Variants in COL24A1 observed in about 807,000 individuals in gnomAD.
COL24A1 encodes collagen alpha-1(XXIV) chain.
In COL24A1, 224 loss-of-function variants were observed where a neutral mutation model predicts 253.9. The ratio of observed to expected loss-of-function variants is 0.88; its 90% CI spans 0.79 to 0.99. COL24A1 has a LOEUF of 0.99. Ranked by LOEUF, COL24A1 falls within the 50% of genes least tolerant of loss-of-function variation. COL24A1 has a pLI of 0.00. For synonymous variants in COL24A1, 685 were observed against 673.7 expected, an observed-to-expected ratio of 1.02 and a Z score of -0.26; for missense variants, 2,131 against 2,068.5, an observed-to-expected ratio of 1.03 and a Z score of -0.59.
chr1:85,901,315 A>G (rs898450908), intron 28 of COL24A1, among the ~76,000 whole-genome samples: 25 of 152,272 alleles, frequency 1.6e-4, no homozygotes, highest in African/African-American at 5.8e-4. Context: ...CAACATCACT[A>G]ATTATCAGGA....
At chr1:85,755,483 T>TC (rs1666136201) in intron 55 of COL24A1, among the ~76,000 whole-genome samples, 2 of 152,130 alleles carry the variant, frequency 1.3e-5, no homozygotes, top group Non-Finnish European at 2.9e-5. Flanking sequence ...CAAAACTTAC[T>TC]ATAAAGCTGC....
chr1:86,079,035 C>T (rs1702446399), intron 7 of COL24A1, among the ~76,000 whole-genome samples: 1 of 152,142 alleles, frequency 6.6e-6, no homozygotes, highest in African/African-American at 2.4e-5. Context: ...AGAGGAATCA[C>T]ATTACCTGAT....
chr1:86,115,430 T>C (rs1706050063), intron 3 of COL24A1, 52 bp from the exon 4 acceptor site: 1 of 1,522,746 alleles, frequency 6.6e-7, no homozygotes, highest in African/African-American at 1.4e-5. Context: ...ACATTTATTT[T>C]CTTACGAGTC....
At chr1:85,743,031 A>G (rs1255440676) in intron 57 of COL24A1, among the ~76,000 whole-genome samples, 1 of 152,034 alleles carries the variant, frequency 6.6e-6, no homozygotes, top group African/African-American at 2.4e-5. Flanking sequence ...TGGTTTCCCT[A>G]CCTCTACCCC....
chr1:86,022,398 G>T lies in COL24A1; in HGVS notation c.2203-105C>A, dbSNP rs75357114. On this transcript the variant is annotated intron_variant, in intron 17 of 59. Transcript: ENST00000370571. ...ATTTCATAAAGTATGCTAAAATATTGAGACAAAAGTTTCAAACAAGAACTT... is the reference window on the plus strand; with the variant it reads ...ATTTCATAAAGTATGCTAAAATATTTAGACAAAAGTTTCAAACAAGAACTT... 9 of 1,377,318 alleles carry T rather than the reference G, an allele frequency of 6.5e-6. No homozygotes were observed. The East Asian group carries it at 1.9e-4, about 29-fold the overall frequency. The allele number at this position is 1,377,318 out of a possible 1,614,324, so 85.3% of individuals were successfully genotyped here. A position where few individuals can be genotyped will look rare whatever the true frequency, so the allele number is the denominator to read the frequency against.
In COL24A1 at chr1:86,108,656, A is replaced by C. The variant is rs951436379; in HGVS notation, c.1599+3911T>G. On this transcript the variant is annotated intron_variant, in intron 5 of 59. Coordinates refer to ENST00000370571, the MANE Select transcript of COL24A1 (RefSeq NM_152890.7). ...AAAAAAAAAAAAAAAAAAAATTTTA[A>C]ATTAGCCAGGCATGGTGGCACATGC... Among the ~76,000 whole-genome samples the C allele has an allele frequency of 1.3e-5, 2 of 148,784 alleles. 1 individual carries two copies. The highest frequency in any genetic ancestry group is 3.9e-4 in the East Asian group (2 of 5,090).
chr1:85,940,029 A>AGAT lies in COL24A1; in HGVS notation c.2562+21217_2562+21219dup, dbSNP rs539998700. 2.3e-3 allele frequency among the ~76,000 whole-genome samples: 352 copies of AGAT among 152,324 alleles called. 4 individuals carry two copies. Among genetic ancestry groups the AGAT allele is most frequent in the African/African-American group, 8.1e-3 (336 of 41,546 alleles). On this transcript the variant is annotated intron_variant, in intron 24 of 59. Transcript: ENST00000370571. The stretch of plus-strand genomic sequence containing the variant: ...TCTTATTAAGGTTTCCAAAAGTTGA[A>AGAT]GATAAACTATCTACAAACACTGGGG...
At chr1:85,818,185 C>A (rs374676425) in intron 45 of COL24A1, 98 bp from the exon 46 acceptor site, 2 of 838,096 alleles carry the variant, frequency 2.4e-6, no homozygotes, top group African/African-American at 3.4e-5. Context: ...GCAGCAAGAA[C>A]TAGCACGAAC....
chr1:86,017,228 A>G (rs1405328012), intron 18 of COL24A1, 24 bp from the exon 19 acceptor site: 10 of 1,543,574 alleles, frequency 6.5e-6, no homozygotes, highest in African/African-American at 1.4e-5. Flanking sequence ...GGAGGATCAA[A>G]GTATAAACAT....
At chr1:85,943,794 C>T (rs756868593) in intron 24 of COL24A1, among the ~76,000 whole-genome samples, 7 of 152,300 alleles carry the variant, frequency 4.6e-5, no homozygotes, top group South Asian at 2.1e-4. Flanking sequence ...CCAAATTATG[C>T]AATAATGTGT....
At chr1:85,938,896 C>T (rs560755575) in intron 24 of COL24A1, among the ~76,000 whole-genome samples, 3 of 152,262 alleles carry the variant, frequency 2.0e-5, no homozygotes, top group South Asian at 2.1e-4. Context: ...GAGCTTCTTG[C>T]GGGGGTGGTT....
chr1:86,094,626 T>A (rs1028222268), intron 5 of COL24A1, among the ~76,000 whole-genome samples: 45 of 146,066 alleles, frequency 3.1e-4, no homozygotes, highest in African/African-American at 1.1e-3. Context: ...GAACTTCAAA[T>A]TTTTTTTTTT....
intron 52 of COL24A1, among the ~76,000 whole-genome samples, chr1:85,779,619 G>A (rs535326091): frequency 6.6e-6 from 1 of 152,160 alleles, no homozygotes; most frequent in African/African-American, 2.4e-5. Context: ...AAGTACTTTG[G>A]TTCAGGGTTC....
intron 3 of COL24A1, 139 bp downstream of exon 3, chr1:86,124,706 T>A (rs972247979): frequency 5.4e-6 from 3 of 559,400 alleles, no homozygotes; most frequent in Non-Finnish European, 8.5e-6. Flanking sequence ...ATTCATTTAC[T>A]GTGCCAGAAT....
intron 2 of COL24A1, among the ~76,000 whole-genome samples, chr1:86,139,161 G>A (rs2102372561): frequency 9.8e-6 from 1 of 102,430 alleles, no homozygotes; most frequent in Middle Eastern, 4.8e-3. Context: ...ATAAAAGAAA[G>A]ATGAGGGAGA....
intron 12 of COL24A1, among the ~76,000 whole-genome samples, chr1:86,035,428 A>G (rs1698919510): frequency 6.6e-6 from 1 of 152,118 alleles, no homozygotes; most frequent in African/African-American, 2.4e-5. Flanking sequence ...TTTTAGATAG[A>G]TCATTAGTAG....
chr1:85,783,710 C>T, intron 50 of COL24A1, 152 bp from the exon 51 acceptor site: 1 of 672,576 alleles, frequency 1.5e-6, no homozygotes, highest in South Asian at 2.0e-5. Flanking sequence ...TGTACTGAGG[C>T]CTACAATTTA....
At chr1:85,943,797 T>C (rs1196590733) in intron 24 of COL24A1, among the ~76,000 whole-genome samples, 1 of 152,226 alleles carries the variant, frequency 6.6e-6, no homozygotes, top group African/African-American at 2.4e-5. Flanking sequence ...AATTATGCAA[T>C]AATGTGTGAC....
At chr1:85,760,003 A>G (rs565659032) in intron 55 of COL24A1, among the ~76,000 whole-genome samples, 1 of 152,302 alleles carries the variant, frequency 6.6e-6, no homozygotes, top group African/African-American at 2.4e-5. Context: ...GGGATCCAGG[A>G]GGAAAGGAAG....
Sources: gnomAD v4.1 joint callset for allele counts (sites outside exome capture counted in the v4.1 genomes callset) on GRCh38, gnomAD v4.1.1 for gene constraint, MANE v1.5 for transcripts, NCBI Gene and HGNC (gene_info 2026-07-23, HGNC 2026-07-21) for gene names.